SAE1: variants seen among roughly 807,000 people sequenced by gnomAD.
SAE1 encodes SUMO-activating enzyme subunit 1.
In SAE1, 11 loss-of-function variants were observed where a neutral mutation model predicts 40.6. The ratio of observed to expected loss-of-function variants is 0.27; its 90% CI spans 0.17 to 0.45. SAE1 has a LOEUF of 0.45. Among genes scored for constraint, SAE1 ranks in the 20% least tolerant of loss-of-function variants. SAE1 has a pLI of 1.00. For missense variants in SAE1, 373 were observed against 427.3 expected (o/e 0.87, Z 1.12); for synonymous variants, 155 against 154.3 (o/e 1.00, Z -0.03).
intron 6 of SAE1, among the ~76,000 whole-genome samples, chr19:47,179,687 G>C (rs990714232): frequency 1.1e-4 from 16 of 151,982 alleles, no homozygotes; most frequent in Non-Finnish European, 1.9e-4. Flanking sequence ...TGGGATTATA[G>C]GCAAGTAGCA....
At chr19:47,160,647 G>A (rs934409910) in intron 5 of SAE1, among the ~76,000 whole-genome samples, 80 of 151,376 alleles carry the variant, frequency 5.3e-4, no homozygotes, top group Non-Finnish European at 9.3e-4. Flanking sequence ...CGCCCACCTC[G>A]GCCTCCCAAA....
At chr19:47,163,437 T>C (rs1424408015) in intron 5 of SAE1, among the ~76,000 whole-genome samples, 1 of 152,028 alleles carries the variant, frequency 6.6e-6, no homozygotes, top group Non-Finnish European at 1.5e-5. Context: ...TGATTTAAAG[T>C]ATATGGGAGG....
intron 5 of SAE1, among the ~76,000 whole-genome samples, chr19:47,169,054 C>T (rs2058414335): frequency 6.6e-6 from 1 of 152,176 alleles, no homozygotes; most frequent in African/African-American, 2.4e-5. Flanking sequence ...TTGTCCCATC[C>T]CTTTTATTGT....
intron 5 of SAE1, among the ~76,000 whole-genome samples, chr19:47,167,492 G>A (rs919317442): frequency 3.3e-5 from 5 of 151,968 alleles, no homozygotes; most frequent in African/African-American, 7.3e-5. Context: ...TGCCCGCCTT[G>A]GCCTCCCAAA....
intron 6 of SAE1, among the ~76,000 whole-genome samples, chr19:47,185,954 T>C (rs906199724): frequency 1.3e-5 from 2 of 150,256 alleles, no homozygotes; most frequent in African/African-American, 2.4e-5. Context: ...AAAATGCTTA[T>C]TGGCCCCGGG....
intron 5 of SAE1, among the ~76,000 whole-genome samples, chr19:47,157,073 C>T (rs1236009399): frequency 2.6e-5 from 4 of 152,170 alleles, no homozygotes; most frequent in African/African-American, 7.2e-5. Flanking sequence ...GCAGAAACCA[C>T]AAAAGAGACT....
chr19:47,166,214 C>T (rs557547945), intron 5 of SAE1, among the ~76,000 whole-genome samples: 18 of 152,248 alleles, frequency 1.2e-4, no homozygotes, highest in Middle Eastern at 3.4e-3. Context: ...TGGGTAGCTA[C>T]ACTCAAGTGC....
intron 6 of SAE1, among the ~76,000 whole-genome samples, chr19:47,170,503 C>CTTTTTT (rs34836827): frequency 9.5e-5 from 8 of 83,908 alleles, no homozygotes; most frequent in Admixed American, 3.3e-4. Flanking sequence ...CGCCCCCCGC[C>CTTTTTT]TTTTTTTTTT....
intron 8 of SAE1, among the ~76,000 whole-genome samples, chr19:47,204,764 G>C (rs185100834): frequency 1.3e-5 from 2 of 152,158 alleles, no homozygotes; most frequent in Admixed American, 6.6e-5. Context: ...CCAAAGTGCT[G>C]GGATTATAGG....
rs376242752 is a variant in SAE1 at position 47,143,591 on chromosome 19, C to T, written c.196C>T (p.Leu66=). The change falls in exon 2 of 9, where the codon CTG becomes TTG. Residue 66 remains leucine (L), a synonymous_variant. Transcript: ENST00000270225. The part of the protein sequence containing the change: ...ILAGVKGLTM[L]DHEQVTPEDP... Reference sequence around the variant, plus strand: ...GGCAGGAGTGAAAGGACTGACCATGCTGGATCACGAACAGGTGCGCTGTTG... The same window carrying T: ...GGCAGGAGTGAAAGGACTGACCATGTTGGATCACGAACAGGTGCGCTGTTG... 1.2e-5 allele frequency: 20 copies of T among 1,613,102 alleles called. No individual in the cohort carries two copies. In the African/African-American group the frequency reaches 2.7e-4, roughly 22 times the overall value.
chr19:47,139,580 G>A (rs1340017882), intron 1 of SAE1, among the ~76,000 whole-genome samples: 2 of 146,292 alleles, frequency 1.4e-5, no homozygotes, highest in African/African-American at 2.6e-5. Context: ...TGCTGTGAAT[G>A]TGTATCTTTT....
intron 1 of SAE1, among the ~76,000 whole-genome samples, chr19:47,133,213 G>C (rs189311707): frequency 2.6e-4 from 39 of 152,294 alleles, no homozygotes; most frequent in Admixed American, 1.0e-3. Context: ...GGAGTAACAT[G>C]ATCTGTTTTT....
intron 1 of SAE1, among the ~76,000 whole-genome samples, chr19:47,137,730 GTT>G (rs1159240222): frequency 9.3e-6 from 1 of 107,040 alleles, no homozygotes; most frequent in Non-Finnish European, 1.9e-5. Flanking sequence ...TGTGTGTGTT[GTT>G]TTTTTTTTTT....
chr19:47,156,221 T>C (rs1203035694), intron 5 of SAE1, among the ~76,000 whole-genome samples: 2 of 150,386 alleles, frequency 1.3e-5, no homozygotes, highest in African/African-American at 4.9e-5. Flanking sequence ...CAGTGAGCCA[T>C]GGTCACACCA....
rs143321323 is a variant in SAE1, at chr19:47,182,496, T to TGTGTGTGTGTGCGC, written c.733+12574_733+12575insTGTGTGTGTGCGCG. 2.0e-3 allele frequency among the ~76,000 whole-genome samples: 289 copies of TGTGTGTGTGTGCGC among 146,024 alleles called. 1 individual carries two copies. The highest frequency in any genetic ancestry group is 7.2e-3 in the African/African-American group (279 of 38,690). On this transcript the variant is annotated intron_variant, in intron 6 of 8. Coordinates refer to ENST00000270225, the MANE Select transcript of SAE1 (RefSeq NM_005500.3). ...GTGTGTGTGTGTGTGTGTGTGTGTG[T>TGTGTGTGTGTGCGC]GCGCGCACGCACGCGCGCGCGCACA...
chr19:47,185,790 C>T (rs2058540240), intron 6 of SAE1, among the ~76,000 whole-genome samples: 1 of 151,084 alleles, frequency 6.6e-6, no homozygotes, highest in Non-Finnish European at 1.5e-5. Flanking sequence ...TTAGTAGAGA[C>T]AGGGTTTCAC....
intron 2 of SAE1, among the ~76,000 whole-genome samples, chr19:47,146,428 C>T (rs1235019733): frequency 1.3e-5 from 2 of 151,952 alleles, no homozygotes; most frequent in Non-Finnish European, 2.9e-5. Context: ...GTGAAAGTGG[C>T]CTTGCTGATA....
intron 5 of SAE1, among the ~76,000 whole-genome samples, chr19:47,160,857 A>C (rs924445878): frequency 7.9e-5 from 12 of 152,130 alleles, no homozygotes; most frequent in Non-Finnish European, 1.6e-4. Context: ...TATCAGAACT[A>C]CTTGGTTCAA....
chr19:47,193,757 G>A (rs2058594427), intron 6 of SAE1, among the ~76,000 whole-genome samples: 1 of 151,104 alleles, frequency 6.6e-6, no homozygotes. Flanking sequence ...GAACCCGGGA[G>A]GTGGAGGTTG....
Sources: gnomAD v4.1 joint callset for allele counts (sites outside exome capture counted in the v4.1 genomes callset) on GRCh38, gnomAD v4.1.1 for gene constraint, MANE v1.5 for transcripts, NCBI Gene and HGNC (gene_info 2026-07-23, HGNC 2026-07-21) for gene names.